IGFN1: variants seen among roughly 807,000 people sequenced by gnomAD.
IGFN1 encodes immunoglobulin-like and fibronectin type III domain-containing protein 1.
IGFN1 carries 253 observed loss-of-function variants against 289.5 expected under a neutral mutation model. That is an observed-to-expected ratio of 0.87 (90% confidence interval 0.79 to 0.97). IGFN1 has a LOEUF of 0.97. Ranked by LOEUF, IGFN1 falls within the 50% of genes least tolerant of loss-of-function variation. The pLI, the probability that IGFN1 is intolerant of heterozygous loss-of-function variation, is 0.00. For synonymous variants in IGFN1, 1,706 were observed against 1,788.5 expected, an observed-to-expected ratio of 0.95 and a Z score of 1.16; for missense variants, 4,470 against 4,686.1, an observed-to-expected ratio of 0.95 and a Z score of 1.35.
At chr1:201,201,907 T>C (rs1667181959) in intron 9 of IGFN1, 75 bp downstream of exon 9, 3 of 742,018 alleles carry the variant, frequency 4.0e-6, no homozygotes, top group Admixed American at 2.1e-5. Context: ...GAACTATGGG[T>C]ACCCTGCATT....
intron 1 of IGFN1, 124 bp from the exon 2 acceptor site, chr1:201,193,123 G>C: frequency 3.3e-6 from 2 of 603,444 alleles, no homozygotes; most frequent in Non-Finnish European, 6.0e-6. Flanking sequence ...GGTTAGAAAA[G>C]CTCTTGGGGG....
rs374145141 is a variant in IGFN1, at chr1:201,209,563, A to C, written c.4670A>C (p.Glu1557Ala). 10 of 1,526,028 alleles carry C rather than the reference A, an allele frequency of 6.6e-6. No individual in the cohort carries two copies. The South Asian group carries it at 8.4e-5, about 13-fold the overall frequency. 94.5% of individuals were successfully genotyped at this position (1,526,028 alleles called of 1,614,324 possible). Residue 1557 changes from glutamate (E) to alanine (A), a missense_variant, in exon 12 of 24, where the codon GAA becomes GCA. Physicochemically the swap from Glu to Ala is moderately radical, Grantham distance 107 (BLOSUM62 -1). Coordinates refer to ENST00000335211, the MANE Select transcript of IGFN1 (RefSeq NM_001164586.2). ...ACGGATGGTTTAGGAGGTTCTGAAG[A>C]AATGGGGTCAGTGAATAAGGCAGGT... ...GFTDGLGGSE[E>A]MGSVNKAGYR...
Position 201,203,922 on chromosome 1 carries a change from T to A in IGFN1, c.916+16T>A. Reference sequence around the variant, plus strand: ...GAGGCCAGTGGTGAGTGGTCTACACTGCCGAAGTTGGAGTTGGGGAGATAT... The same window carrying A: ...GAGGCCAGTGGTGAGTGGTCTACACAGCCGAAGTTGGAGTTGGGGAGATAT... On this transcript the variant is annotated intron_variant, in intron 10 of 23. Transcript: ENST00000335211. 6.5e-7 allele frequency: 1 copy of A among 1,542,418 alleles called. No homozygotes were observed. The highest frequency in any genetic ancestry group is 8.8e-7 in the Non-Finnish European group (1 of 1,141,378).
Position 201,216,622 on chromosome 1 carries a change from C to T in IGFN1, c.9464C>T (p.Pro3155Leu), listed in dbSNP as rs1653318914. The change falls in exon 16 of 24, where the codon CCC becomes CTC. Residue 3155 changes from proline (P) to leucine (L), a missense_variant. By Grantham distance (98) the Pro-to-Leu change is moderately conservative (BLOSUM62 -3). This residue lies in a region of IGFN1 where 2,218 missense variants were observed against 2,114.1 expected (regional missense o/e 1.05). Coordinates refer to ENST00000335211, the MANE Select transcript of IGFN1 (RefSeq NM_001164586.2). Reference protein sequence around the residue: ...RSTWLKVGEAPADSTTFTDAH... With the variant: ...RSTWLKVGEALADSTTFTDAH... ...ACTTGGCTGAAGGTGGGCGAGGCCCCCGCTGACAGCACCACCTTCACGGAT... is the reference window on the plus strand; with the variant it reads ...ACTTGGCTGAAGGTGGGCGAGGCCCTCGCTGACAGCACCACCTTCACGGAT... The T allele has an allele frequency of 1.9e-6, 3 of 1,613,786 alleles. No individual in the cohort carries two copies. Among genetic ancestry groups the T allele is most frequent in the Non-Finnish European group, 2.5e-6 (3 of 1,179,916 alleles).
chr1:201,213,701 G>C (rs893374908), intron 12 of IGFN1, 80 bp downstream of exon 12: 2 of 1,189,986 alleles, frequency 1.7e-6, no homozygotes, highest in African/African-American at 3.0e-5. Flanking sequence ...GCTTGGGTCT[G>C]TCCCAGTTCT....
In IGFN1 at chr1:201,212,774, T is replaced by C. The variant is rs1251510933; in HGVS notation, c.7881T>C (p.Pro2627=). The C allele has an allele frequency of 1.9e-6, 3 of 1,551,512 alleles. No homozygotes were observed. The highest frequency in any genetic ancestry group is 1.7e-4 in the Middle Eastern group (1 of 5,990). ...AAGGGACGAGCAATGCTTGGGCTCC[T>C]GATTGGGAAAACCAGGGGTTTAGCC... ...DRQGTSNAWA[P]DWENQGFSQG... The change falls in exon 12 of 24, where the codon CCT becomes CCC. Residue 2627 remains proline (P), a synonymous_variant. Coordinates refer to ENST00000335211, the MANE Select transcript of IGFN1 (RefSeq NM_001164586.2).
rs1292935834 is a variant in IGFN1 at position 201,208,631 on chromosome 1, AG to A, written c.3743del (p.Gly1248ValfsTer63). On this transcript the variant is annotated frameshift_variant, in exon 12 of 24. Transcript: ENST00000335211. LOFTEE classifies it high-confidence loss of function. ...RGLGPRSTGP[G>X]GEAGFRDGSG... ...GCCTTGGGCCTAGGAGTACAGGGCCAGGGGGTGAGGCAGGCTTTAGAGATGG... is the reference window on the plus strand; with the variant it reads ...GCCTTGGGCCTAGGAGTACAGGGCCAGGGGTGAGGCAGGCTTTAGAGATGG... The A allele has an allele frequency of 6.5e-7, 1 of 1,530,652 alleles. No individual in the cohort carries two copies. The highest frequency in any genetic ancestry group is 2.4e-5 in the East Asian group (1 of 40,888). The allele number at this position is 1,530,652 out of a possible 1,614,324, so 94.8% of individuals were successfully genotyped here. A position where few individuals can be genotyped will look rare whatever the true frequency, so the allele number is the denominator to read the frequency against.
Position 201,208,859 on chromosome 1 carries a change from A to G in IGFN1, c.3966A>G (p.Ala1322=). ...GSGAMGSMDE[A]GYRKDLGAPE... The stretch of plus-strand genomic sequence containing the variant: ...GGGCAATGGGGTCAATGGATGAAGC[A>G]GGTTATAGGAAAGATTTAGGGGCTC... Residue 1322 remains alanine, a synonymous_variant, in exon 12 of 24, where the codon GCA becomes GCG. Coordinates refer to ENST00000335211, the MANE Select transcript of IGFN1 (RefSeq NM_001164586.2). 1 of 1,536,650 alleles carries G rather than the reference A, an allele frequency of 6.5e-7. No homozygotes were observed. Among genetic ancestry groups the G allele is most frequent in the South Asian group, 1.2e-5 (1 of 84,036 alleles).
Position 201,212,969 on chromosome 1 carries a change from G to C in IGFN1, c.8076G>C (p.Leu2692=), listed in dbSNP as rs1667900624. The C allele has an allele frequency of 4.5e-6, 7 of 1,551,542 alleles. No homozygotes were observed. The highest frequency in any genetic ancestry group is 1.7e-4 in the Middle Eastern group (1 of 5,994). The change falls in exon 12 of 24, where the codon CTG becomes CTC. Residue 2692 remains leucine (L), a synonymous_variant. Transcript: ENST00000335211. ...GTGGATGCCGAAGCCCATGGTCCCT[G>C]GATAGCAAAGGTTCAAGTCCTGGAA... ...AAGGCRSPWS[L]DSKGSSPGRG...
At chr1:201,192,316 C>T (rs181427336) in intron 1 of IGFN1, among the ~76,000 whole-genome samples, 48 of 152,248 alleles carry the variant, frequency 3.2e-4, no homozygotes, top group African/African-American at 1.0e-3. Flanking sequence ...AAATGGAGTC[C>T]CCAAAATGGA....
At position 201,202,842 on chromosome 1, in the gene IGFN1, C is replaced by T. The variant is rs12074639; in HGVS notation, c.748-896C>T. On this transcript the variant is annotated intron_variant, in intron 9 of 23. Coordinates refer to ENST00000335211, the MANE Select transcript of IGFN1 (RefSeq NM_001164586.2). Reference sequence around the variant, plus strand: ...GCAATCTCGGCTCACTGCAACCTCTCCCTCCCAGGTTCAAGTGATTCTCCT... The same window carrying T: ...GCAATCTCGGCTCACTGCAACCTCTTCCTCCCAGGTTCAAGTGATTCTCCT... Among the ~76,000 whole-genome samples the T allele has an allele frequency of 9.2e-3, 1,391 of 150,420 alleles. 25 individuals carry two copies. The highest frequency in any genetic ancestry group is 0.032 in the African/African-American group (1,318 of 40,794).
intron 8 of IGFN1, among the ~76,000 whole-genome samples, chr1:201,201,499 A>G (rs1167236194): frequency 1.3e-5 from 2 of 152,190 alleles, no homozygotes; most frequent in Admixed American, 1.3e-4. Context: ...TAGCAACTGA[A>G]CACCTGGGGT....
intron 19 of IGFN1, chr1:201,222,521 C>T (rs1479970943): frequency 4.3e-6 from 2 of 460,886 alleles, no homozygotes; most frequent in Admixed American, 7.6e-5. Context: ...CAGCTCCTGT[C>T]CCTCCCCCGC....
At chr1:201,220,356 T>A (rs1475467120) in intron 18 of IGFN1, among the ~76,000 whole-genome samples, 1 of 152,172 alleles carries the variant, frequency 6.6e-6, no homozygotes, top group African/African-American at 2.4e-5. Flanking sequence ...CTAATTTATC[T>A]TTTTGTAGAG....
At chr1:201,216,918 T>A (rs1334480659) in intron 16 of IGFN1, among the ~76,000 whole-genome samples, 165 bp downstream of exon 16, 1 of 152,056 alleles carries the variant, frequency 6.6e-6, no homozygotes, top group Non-Finnish European at 1.5e-5. Context: ...GCATTTGGGA[T>A]CTGGCACCCA....
chr1:201,226,200 G>A, intron 22 of IGFN1, 77 bp downstream of exon 22: 1 of 1,422,444 alleles, frequency 7.0e-7, no homozygotes, highest in Non-Finnish European at 9.3e-7. Flanking sequence ...ACCCAAGCAT[G>A]GCAAGCGCGC....
chr1:201,202,912 C>A (rs2102327960), intron 9 of IGFN1, among the ~76,000 whole-genome samples: 1 of 151,984 alleles, frequency 6.6e-6, no homozygotes, highest in South Asian at 2.1e-4. Flanking sequence ...TTTGCCACCA[C>A]ACCCAGCTAA....
At chr1:201,199,418 G>T in intron 6 of IGFN1, 40 bp downstream of exon 6, 2 of 1,538,512 alleles carry the variant, frequency 1.3e-6, no homozygotes, top group South Asian at 1.2e-5. Flanking sequence ...GGGCCTGTGG[G>T]GGATAGGCTA....
In IGFN1 at chr1:201,206,313, G is replaced by A. The variant is rs1475362590; in HGVS notation, c.1420G>A (p.Gly474Arg). Residue 474 changes from glycine (G) to arginine (R), a missense_variant, in exon 12 of 24, where the codon GGG becomes AGG. By Grantham distance (125) the Gly-to-Arg change is moderately radical. This residue lies in a region of IGFN1 where 2,011 missense variants were observed against 1,953.4 expected (regional missense o/e 1.03). Transcript: ENST00000335211. ...GLGRHGYSLMGDKGTADSAWG... is the reference protein window; with the variant it reads ...GLGRHGYSLMRDKGTADSAWG... ...TGGCAGACATGGCTACTCCTTGATG[G>A]GGGACAAAGGGACAGCTGACTCAGC... 6.5e-7 allele frequency: 1 copy of A among 1,550,196 alleles called. No homozygotes were observed. Among genetic ancestry groups the A allele is most frequent in the African/African-American group, 1.4e-5 (1 of 73,050 alleles).
Sources: gnomAD v4.1 joint callset for allele counts (sites outside exome capture counted in the v4.1 genomes callset) on GRCh38, gnomAD v4.1.1 for gene constraint, gnomAD v4.1.1 regional missense constraint, MANE v1.5 for transcripts, NCBI Gene and HGNC (gene_info 2026-07-23, HGNC 2026-07-21) for gene names.